TDRP: variants seen among roughly 807,000 people sequenced by gnomAD.
The protein encoded by TDRP is testis development-related protein.
Under a neutral mutation model 10.5 loss-of-function variants are expected in TDRP, and 12 were observed. That is an observed-to-expected ratio of 1.15 (90% confidence interval 0.73 to 1.86). TDRP has a LOEUF of 1.86. TDRP is among the 40% of genes most tolerant of loss of function. TDRP has a pLI of 0.00. For missense variants in TDRP, 353 were observed against 229.2 expected, an observed-to-expected ratio of 1.54 and a Z score of -3.49; for synonymous variants, 139 against 95.4, an observed-to-expected ratio of 1.46 and a Z score of -2.67.
rs778661473 is a variant in TDRP, at chr8:490,527, CA to C, written c.*1871del. ...CCCACACACGTGATTTCCAGAGTTT[CA>C]AACACAGTGTTTACATTCCTGCGCA... On this transcript the variant is annotated 3_prime_UTR_variant, in exon 3 of 3. Coordinates refer to ENST00000324079, the MANE Select transcript of TDRP (RefSeq NM_001384899.1). The C allele has an allele frequency of 2.0e-5, 3 of 150,784 alleles. No homozygotes were observed. The highest frequency in any genetic ancestry group is 4.5e-5 in the Non-Finnish European group (3 of 67,004). The allele number at this position is 150,784 out of a possible 1,614,324, so 9.3% of individuals were successfully genotyped here.
chr8:512,713 G>A (rs1332518990), intron 1 of TDRP, among the ~76,000 whole-genome samples: 1 of 152,172 alleles, frequency 6.6e-6, no homozygotes, highest in Non-Finnish European at 1.5e-5. Flanking sequence ...GTGGTCTCAT[G>A]CCTGTAATCT....
chr8:494,698 T>C (rs760105881), intron 1 of TDRP, 101 bp from the exon 2 acceptor site: 197 of 1,011,818 alleles, frequency 1.9e-4, no homozygotes, highest in Non-Finnish European at 2.6e-4. Flanking sequence ...GAAAAAAGAA[T>C]TGGCAGAGCT....
chr8:539,516 G>C (rs961070482), intron 1 of TDRP, among the ~76,000 whole-genome samples: 1 of 152,198 alleles, frequency 6.6e-6, no homozygotes, highest in East Asian at 1.9e-4. Context: ...GAATGAGGAA[G>C]CTCTTCATGT....
At chr8:510,691 C>G (rs1347966537) in intron 1 of TDRP, among the ~76,000 whole-genome samples, 1 of 152,192 alleles carries the variant, frequency 6.6e-6, no homozygotes, top group Admixed American at 6.5e-5. Flanking sequence ...ATGAATAAAT[C>G]TGAACTTCTT....
chr8:527,505 T>C (rs1031519307), intron 1 of TDRP, among the ~76,000 whole-genome samples: 5 of 152,116 alleles, frequency 3.3e-5, no homozygotes, highest in Admixed American at 6.5e-5. Context: ...GTTACCCGAC[T>C]TCAAATTATA....
chr8:535,235 G>T (rs1488630762), intron 1 of TDRP, among the ~76,000 whole-genome samples: 1 of 151,958 alleles, frequency 6.6e-6, no homozygotes, highest in African/African-American at 2.4e-5. Flanking sequence ...CCACACACTC[G>T]CCTGGTTCCC....
In TDRP at chr8:491,963, T is replaced by C. The variant is rs1460297248; in HGVS notation, c.*436A>G. 2.9e-5 allele frequency: 32 copies of C among 1,113,246 alleles called. No individual in the cohort carries two copies. The highest frequency in any genetic ancestry group is 3.4e-5 in the Non-Finnish European group (31 of 914,612). 69.0% of individuals were successfully genotyped at this position (1,113,246 alleles called of 1,614,324 possible). A position where few individuals can be genotyped will look rare whatever the true frequency, so the allele number is the denominator to read the frequency against. ...ACTTTGGAAGATTCATCTTACCTCC[T>C]GACTAATTTTCTAGCAAAAGAAAAG... On this transcript the variant is annotated 3_prime_UTR_variant, in exon 3 of 3. Transcript: ENST00000324079.
At chr8:496,128 C>A (rs1801126646) in intron 1 of TDRP, among the ~76,000 whole-genome samples, 1 of 152,180 alleles carries the variant, frequency 6.6e-6, no homozygotes, top group Admixed American at 6.5e-5. Flanking sequence ...AAAAACCTAC[C>A]AAAGAAACCA....
rs187876197 is a variant in TDRP, at chr8:507,412, C to T, written c.109-12815G>A. Among the ~76,000 whole-genome samples the T allele has an allele frequency of 3.5e-3, 529 of 152,250 alleles. 6 individuals carry two copies. The highest frequency in any genetic ancestry group is 6.8e-3 in the Middle Eastern group (2 of 294). On this transcript the variant is annotated intron_variant, in intron 1 of 2. Transcript: ENST00000324079. ...GTCAGAGTAAATATCAAGCAGGGAC[C>T]TCAAACTGTTCCTTCACAGAAGCCA...
chr8:493,699 T>C (rs1353442655), intron 2 of TDRP, among the ~76,000 whole-genome samples: 1 of 152,268 alleles, frequency 6.6e-6, no homozygotes, highest in African/African-American at 2.4e-5. Context: ...TCAGTTTAAA[T>C]GTATTCAATT....
rs763173990 is a variant in TDRP at position 492,733 on chromosome 8, C to G, written c.224G>C (p.Arg75Pro). 3 of 1,610,728 alleles carry G rather than the reference C, an allele frequency of 1.9e-6. No individual in the cohort carries two copies. Residue 75 changes from arginine (R) to proline (P), a missense_variant, in exon 3 of 3, where the codon CGA becomes CCA. By Grantham distance (103) the Arg-to-Pro change is moderately radical. Transcript: ENST00000324079. ...CTCTGCCTTCAACTCTTCTTTTAAT[C>G]GTAAGTTAGTTCTATAGGAGATGAA... Reference protein sequence around the residue: ...KSPKSKGTNLRLKEELKAEKK... With the variant: ...KSPKSKGTNLPLKEELKAEKK...
chr8:527,811 T>G (rs1802073080), intron 1 of TDRP, among the ~76,000 whole-genome samples: 1 of 152,092 alleles, frequency 6.6e-6, no homozygotes, highest in Non-Finnish European at 1.5e-5. Flanking sequence ...ACGAAACTAC[T>G]AAAAGAAAAC....
chr8:522,169 G>A (rs75698394), intron 1 of TDRP, among the ~76,000 whole-genome samples: 1 of 152,138 alleles, frequency 6.6e-6, no homozygotes, highest in Non-Finnish European at 1.5e-5. Flanking sequence ...TTTACATTGT[G>A]CTACTATGTC....
chr8:505,173 C>T (rs538465239), intron 1 of TDRP, among the ~76,000 whole-genome samples: 4 of 152,308 alleles, frequency 2.6e-5, no homozygotes, highest in Admixed American at 1.3e-4. Flanking sequence ...TACCTGCAAA[C>T]GGACCCACAG....
chr8:511,078 A>C (rs1801604070), intron 1 of TDRP, among the ~76,000 whole-genome samples: 2 of 152,204 alleles, frequency 1.3e-5, no homozygotes, highest in Admixed American at 6.5e-5. Context: ...AACAAAATGA[A>C]GGCATGAGAC....
chr8:496,178 A>G (rs560637422), intron 1 of TDRP, among the ~76,000 whole-genome samples: 2 of 152,344 alleles, frequency 1.3e-5, no homozygotes, highest in East Asian at 3.9e-4. Context: ...TCAGCTTTCC[A>G]CATCACACAC....
chr8:515,765 T>C (rs895663174), intron 1 of TDRP, among the ~76,000 whole-genome samples: 2 of 152,178 alleles, frequency 1.3e-5, no homozygotes, highest in African/African-American at 4.8e-5. Flanking sequence ...GAAAATATAA[T>C]TTTTATCACT....
Position 498,315 on chromosome 8 carries a change from C to A in TDRP, c.109-3718G>T, listed in dbSNP as rs13276033. Among the ~76,000 whole-genome samples, 499 of 152,328 alleles carry A rather than the reference C, an allele frequency of 3.3e-3. 1 individual carries two copies. Among genetic ancestry groups the A allele is most frequent in the Non-Finnish European group, 5.4e-3 (365 of 68,028 alleles). ...AGATGCCCAATGCGTTGGAAGCCCA[C>A]CCCTTGCATCAGCATGCCCTGGATA... is the stretch of plus-strand genomic sequence containing the variant. On this transcript the variant is annotated intron_variant, in intron 1 of 2. Transcript: ENST00000324079.
intron 1 of TDRP, among the ~76,000 whole-genome samples, chr8:504,286 G>A (rs1383868473): frequency 6.6e-6 from 1 of 152,198 alleles, no homozygotes; most frequent in African/African-American, 2.4e-5. Flanking sequence ...AGGCCCCACT[G>A]CAGCACTGGG....
Sources: allele counts gnomAD v4.1 joint callset (sites outside exome capture counted in the v4.1 genomes callset), GRCh38; gene constraint gnomAD v4.1.1; transcripts MANE v1.5; gene names NCBI Gene and HGNC (gene_info 2026-07-23, HGNC 2026-07-21).